The following FAT3 variants were observed in gnomAD, a reference collection of about 807,000 sequenced individuals.
The protein encoded by FAT3 is protocadherin Fat 3.
In FAT3, 95 loss-of-function variants were observed where a neutral mutation model predicts 310.2. The observed-to-expected ratio is 0.31, with a 90% CI of 0.26 to 0.36. FAT3 has a LOEUF of 0.36. FAT3 is among the 10% of genes least tolerant of loss of function. FAT3 has a pLI of 1.00. For synonymous variants in FAT3, 2,314 were observed against 2,192.9 expected (o/e 1.06, Z -1.54); for missense variants, 5,408 against 5,715.6 (o/e 0.95, Z 1.74).
At chr11:92,728,616 C>G (rs1457545038) in intron 4 of FAT3, among the ~76,000 whole-genome samples, 1 of 152,096 alleles carries the variant, frequency 6.6e-6, no homozygotes, top group Non-Finnish European at 1.5e-5. Context: ...AATTTATTCT[C>G]TCAGAGTTTT....
chr11:92,539,110 T>C (rs1954357603), intron 3 of FAT3, among the ~76,000 whole-genome samples: 1 of 152,182 alleles, frequency 6.6e-6, no homozygotes, highest in Admixed American at 6.5e-5. Context: ...ACTATGTACA[T>C]ACTAAATTGT....
intron 4 of FAT3, among the ~76,000 whole-genome samples, chr11:92,714,958 G>A (rs1944633105): frequency 6.6e-6 from 1 of 151,880 alleles, no homozygotes; most frequent in Admixed American, 6.6e-5. Flanking sequence ...GGGGTTACCT[G>A]ACAGAATCTT....
chr11:92,326,111 C>T (rs1947756284), intron 1 of FAT3, among the ~76,000 whole-genome samples: 1 of 152,172 alleles, frequency 6.6e-6, no homozygotes, highest in African/African-American at 2.4e-5. Flanking sequence ...GTCATGGAGG[C>T]TCCATCATAT....
intron 3 of FAT3, among the ~76,000 whole-genome samples, chr11:92,545,562 A>G (rs2135422721): frequency 6.6e-6 from 1 of 152,094 alleles, no homozygotes. Context: ...AATGTGGTTC[A>G]AATGTATAGT....
intron 2 of FAT3, among the ~76,000 whole-genome samples, chr11:92,515,156 C>A (rs1413305407): frequency 1.3e-5 from 2 of 152,078 alleles, no homozygotes; most frequent in Non-Finnish European, 2.9e-5. Context: ...GTCAGGCAGC[C>A]AGAAACTCTG....
intron 3 of FAT3, among the ~76,000 whole-genome samples, chr11:92,661,163 G>A (rs143027718): frequency 3.3e-5 from 5 of 152,308 alleles, no homozygotes; most frequent in Non-Finnish European, 5.9e-5. Context: ...GGGAGGCAAG[G>A]CAGGGGTGAG....
rs759570273 is a variant in FAT3, at chr11:92,882,936, G to T, written c.12480G>T (p.Val4160=). 1.2e-6 allele frequency: 2 copies of T among 1,613,356 alleles called. No individual in the cohort carries two copies. The highest frequency in any genetic ancestry group is 8.5e-7 in the Non-Finnish European group (1 of 1,179,674). The change falls in exon 24 of 28, where the codon GTG becomes GTT. Residue 4160 remains valine, a synonymous_variant. Transcript: ENST00000525166. ...VGKEELIGIA[V]VLFVIFILVV... is the part of the protein sequence containing the mutation. ...AGGAGGAGCTCATCGGCATCGCCGT[G>T]GTCCTCTTCGTCATCTTCATCCTGG...
chr11:92,584,729 T>G (rs1229669800), intron 3 of FAT3, among the ~76,000 whole-genome samples: 1 of 152,098 alleles, frequency 6.6e-6, no homozygotes, highest in East Asian at 1.9e-4. Flanking sequence ...GTCTGTGATC[T>G]TCACTGAGGT....
intron 2 of FAT3, among the ~76,000 whole-genome samples, chr11:92,522,751 A>T (rs749236058): frequency 6.6e-6 from 1 of 152,160 alleles, no homozygotes; most frequent in Non-Finnish European, 1.5e-5. Context: ...CCTATAGTTC[A>T]TCTTTTGATG....
chr11:92,869,150 A>T (rs1466626522), intron 22 of FAT3, among the ~76,000 whole-genome samples: 1 of 151,952 alleles, frequency 6.6e-6, no homozygotes, highest in Non-Finnish European at 1.5e-5. Context: ...GTCTGGGGGG[A>T]CTTACGTTTT....
chr11:92,404,897 C>T lies in FAT3; in HGVS notation c.3292+49493C>T, dbSNP rs116057340. On this transcript the variant is annotated intron_variant, in intron 2 of 27. Coordinates refer to ENST00000525166, the MANE Select transcript of FAT3 (RefSeq NM_001367949.2). Reference sequence around the variant, plus strand: ...TCCTACCCTTAAACACAGATGCTCCCGGTTCTTGGGCCTTCAGACTCAGAT... The same window carrying T: ...TCCTACCCTTAAACACAGATGCTCCTGGTTCTTGGGCCTTCAGACTCAGAT... Among the ~76,000 whole-genome samples, 499 of 151,988 alleles carry T rather than the reference C, an allele frequency of 3.3e-3. 7 individuals are homozygous for T. Among genetic ancestry groups the T allele is most frequent in the African/African-American group, 0.011 (464 of 41,482 alleles).
intron 4 of FAT3, among the ~76,000 whole-genome samples, chr11:92,700,429 G>T (rs1944063595): frequency 1.3e-5 from 2 of 152,092 alleles, no homozygotes; most frequent in African/African-American, 4.8e-5. Context: ...CTGCCCTGCT[G>T]GTCAGAGACC....
intron 1 of FAT3, among the ~76,000 whole-genome samples, chr11:92,281,932 G>GTC (rs1262787973): frequency 1.3e-5 from 2 of 151,576 alleles, no homozygotes; most frequent in Non-Finnish European, 2.9e-5. Flanking sequence ...TTGAGACACA[G>GTC]TCTCTCTCTC....
At chr11:92,827,128 G>T (rs1018948804) in intron 13 of FAT3, among the ~76,000 whole-genome samples, 3 of 152,164 alleles carry the variant, frequency 2.0e-5, no homozygotes, top group African/African-American at 4.8e-5. Context: ...CTCACTGGGG[G>T]TTATTTCTCA....
chr11:92,885,716 A>G (rs1949780881), intron 24 of FAT3, among the ~76,000 whole-genome samples: 1 of 152,172 alleles, frequency 6.6e-6, no homozygotes, highest in Non-Finnish European at 1.5e-5. Context: ...GGAGTGGAGA[A>G]AGGAGTTTTA....
intron 1 of FAT3, among the ~76,000 whole-genome samples, chr11:92,349,557 A>G (rs901320636): frequency 6.6e-6 from 1 of 152,088 alleles, no homozygotes. Context: ...GAAAACCCCA[A>G]ATGTATCATT....
Position 92,353,848 on chromosome 11 carries a change from A to G in FAT3, c.1736A>G (p.Glu579Gly). ...GNVNDNSPLF[E>G]KVACQGVISY... ...GTCAACGACAACAGCCCTCTCTTTG[A>G]AAAAGTGGCTTGCCAGGGAGTTATT... Residue 579 changes from glutamate (E) to glycine (G), a missense_variant, in exon 2 of 28, where the codon GAA becomes GGA. Physicochemically the swap from Glu to Gly is moderately conservative, Grantham distance 98. Transcript: ENST00000525166. 2.5e-6 allele frequency: 4 copies of G among 1,613,772 alleles called. No homozygotes were observed. The highest frequency in any genetic ancestry group is 3.4e-6 in the Non-Finnish European group (4 of 1,179,804).
chr11:92,651,638 A>G (rs1368018703), intron 3 of FAT3, among the ~76,000 whole-genome samples: 2 of 152,172 alleles, frequency 1.3e-5, no homozygotes, highest in African/African-American at 4.8e-5. Context: ...AGGGTGCACA[A>G]TAAATTCTTT....
At chr11:92,633,563 C>T (rs1002611250) in intron 3 of FAT3, among the ~76,000 whole-genome samples, 1 of 151,950 alleles carries the variant, frequency 6.6e-6, no homozygotes, top group Non-Finnish European at 1.5e-5. Context: ...AGGACTGACA[C>T]GGGGATTGGG....
Sources: allele counts gnomAD v4.1 joint callset (sites outside exome capture counted in the v4.1 genomes callset), GRCh38; gene constraint gnomAD v4.1.1; transcripts MANE v1.5; gene names NCBI Gene and HGNC (gene_info 2026-07-23, HGNC 2026-07-21).